The following MEOX2 variants were observed in gnomAD, a reference collection of about 807,000 sequenced individuals.
The protein encoded by MEOX2 is homeobox protein MOX-2.
A neutral mutation model predicts 27.0 loss-of-function variants in MEOX2; 11 were observed. That is an observed-to-expected ratio of 0.41 (90% confidence interval 0.26 to 0.68). MEOX2 has a LOEUF of 0.68. MEOX2 is among the 30% of genes least tolerant of loss of function. The pLI, the probability that MEOX2 is intolerant of heterozygous loss-of-function variation, is 0.33. For synonymous variants in MEOX2, 189 were observed against 155.4 expected (o/e 1.22, Z -1.61); for missense variants, 436 against 385.4 (o/e 1.13, Z -1.10).
Position 15,685,307 on chromosome 7 carries a change from C to T in MEOX2, c.517+579G>A, listed in dbSNP as rs140685934. On this transcript the variant is annotated intron_variant, in intron 1 of 2. Coordinates refer to ENST00000262041, the MANE Select transcript of MEOX2 (RefSeq NM_005924.5). ...CTTCCCCAATAAAGGGAAAATTTTA[C>T]CATTTGAAATAGGGTGCTATTTAAA... Among the ~76,000 whole-genome samples the T allele has an allele frequency of 1.6e-4, 24 of 151,982 alleles. 1 individual carries two copies. The highest frequency in any genetic ancestry group is 2.8e-4 in the Non-Finnish European group (19 of 67,972).
chr7:15,623,639 G>A (rs1439240155), intron 2 of MEOX2, among the ~76,000 whole-genome samples: 1 of 152,064 alleles, frequency 6.6e-6, no homozygotes, highest in Non-Finnish European at 1.5e-5. Context: ...CAAAGTGCTG[G>A]GACAAGTACA....
chr7:15,642,866 A>G (rs769242182), intron 1 of MEOX2, among the ~76,000 whole-genome samples: 8 of 152,162 alleles, frequency 5.3e-5, no homozygotes, highest in Middle Eastern at 6.8e-3. Flanking sequence ...CCAAGGCTCT[A>G]TATGATTTCC....
intron 1 of MEOX2, among the ~76,000 whole-genome samples, chr7:15,642,057 T>C (rs959917402): frequency 5.9e-5 from 9 of 152,216 alleles, no homozygotes; most frequent in African/African-American, 1.9e-4. Context: ...TCCTTCATGT[T>C]GACATTGGAT....
chr7:15,664,910 T>A (rs1266269941), intron 1 of MEOX2, among the ~76,000 whole-genome samples: 1 of 152,194 alleles, frequency 6.6e-6, no homozygotes, highest in Non-Finnish European at 1.5e-5. Context: ...ATACTTTATC[T>A]TGGAGGATGA....
intron 1 of MEOX2, among the ~76,000 whole-genome samples, chr7:15,628,882 A>G (rs1583749176): frequency 6.6e-6 from 1 of 152,108 alleles, no homozygotes; most frequent in Non-Finnish European, 1.5e-5. Context: ...ACTCAGTCAC[A>G]GTACAGAATA....
intron 1 of MEOX2, among the ~76,000 whole-genome samples, chr7:15,666,476 G>A (rs1042551669): frequency 4.6e-5 from 7 of 151,914 alleles, no homozygotes; most frequent in East Asian, 1.9e-4. Context: ...AAATGGGGCC[G>A]GCTGAGGTGG....
intron 2 of MEOX2, among the ~76,000 whole-genome samples, chr7:15,617,337 A>G (rs6960768): frequency 0.67 from 102,136 of 151,734 alleles, 34,606 homozygotes; most frequent in East Asian, 0.81. Context: ...AAACATGCAA[A>G]GGATAATTGT....
At position 15,612,650 on chromosome 7, in the gene MEOX2, A is replaced by G. The variant is rs1400173846; in HGVS notation, c.691-39T>C. 2.6e-6 allele frequency: 4 copies of G among 1,567,314 alleles called. No homozygotes were observed. In the African/African-American group the frequency reaches 4.1e-5, roughly 16 times the overall value. ...AGGGAACAAACAAACAGAAAAAAAG[A>G]GATAATTAAAGTGACATTTTTTTCT... is the stretch of plus-strand genomic sequence containing the variant. On this transcript the variant is annotated intron_variant, in intron 2 of 2. Coordinates refer to ENST00000262041, the MANE Select transcript of MEOX2 (RefSeq NM_005924.5).
intron 2 of MEOX2, among the ~76,000 whole-genome samples, chr7:15,621,802 G>A (rs1781226611): frequency 6.6e-6 from 1 of 152,094 alleles, no homozygotes; most frequent in Non-Finnish European, 1.5e-5. Context: ...TTTTCATTTA[G>A]GAGAAAATTA....
chr7:15,659,138 T>C (rs1781868756), intron 1 of MEOX2, among the ~76,000 whole-genome samples: 1 of 152,214 alleles, frequency 6.6e-6, no homozygotes. Flanking sequence ...TAGCTAGGAC[T>C]ACAGGCACAT....
chr7:15,651,439 TAAAAG>T (rs1359429938), intron 1 of MEOX2, among the ~76,000 whole-genome samples: 1 of 151,972 alleles, frequency 6.6e-6, no homozygotes, highest in Non-Finnish European at 1.5e-5. Context: ...TCACTCAAAA[TAAAAG>T]AAATTATTTT....
At chr7:15,625,951 G>A (rs1251284190) in intron 2 of MEOX2, among the ~76,000 whole-genome samples, 3 of 152,114 alleles carry the variant, frequency 2.0e-5, no homozygotes, top group Non-Finnish European at 4.4e-5. Flanking sequence ...GTGGGTAGCA[G>A]AATTTTGAAT....
intron 1 of MEOX2, among the ~76,000 whole-genome samples, chr7:15,678,340 G>A (rs1056544141): frequency 6.6e-6 from 1 of 152,078 alleles, no homozygotes; most frequent in African/African-American, 2.4e-5. Context: ...TTATTTATAT[G>A]GTTCTTTAAA....
intron 1 of MEOX2, among the ~76,000 whole-genome samples, chr7:15,663,633 C>T (rs992763537): frequency 6.6e-5 from 10 of 152,128 alleles, no homozygotes; most frequent in African/African-American, 2.4e-4. Flanking sequence ...GCCACCGCGC[C>T]CAGCCAATAA....
At chr7:15,660,882 G>A (rs983490055) in intron 1 of MEOX2, among the ~76,000 whole-genome samples, 7 of 151,848 alleles carry the variant, frequency 4.6e-5, no homozygotes, top group East Asian at 3.9e-4. Context: ...GCATGATGGC[G>A]GGTGTCTGTA....
chr7:15,657,991 A>G (rs1256503673), intron 1 of MEOX2, among the ~76,000 whole-genome samples: 2 of 152,232 alleles, frequency 1.3e-5, no homozygotes, highest in South Asian at 2.1e-4. Context: ...GATTACTGCC[A>G]GCTGGAGGTA....
intron 1 of MEOX2, chr7:15,680,230 AAAC>A (rs1344725142): frequency 6.6e-6 from 1 of 151,970 alleles, no homozygotes; most frequent in African/African-American, 2.4e-5. Context: ...TGAAACATAA[AAAC>A]AACATCTGAG....
intron 1 of MEOX2, chr7:15,681,855 A>G (rs1210939234): frequency 1.3e-5 from 2 of 151,770 alleles, no homozygotes; most frequent in East Asian, 1.9e-4. Context: ...TGCATTTATG[A>G]TTTTTCTTTT....
intron 1 of MEOX2, among the ~76,000 whole-genome samples, chr7:15,653,033 G>A (rs1426223682): frequency 1.3e-5 from 2 of 151,818 alleles, no homozygotes; most frequent in Non-Finnish European, 2.9e-5. Context: ...TGCATGTTTT[G>A]TTTTTTTAAG....
Sources: gnomAD v4.1 joint callset for allele counts (sites outside exome capture counted in the v4.1 genomes callset) on GRCh38, gnomAD v4.1.1 for gene constraint, MANE v1.5 for transcripts, NCBI Gene and HGNC (gene_info 2026-07-23, HGNC 2026-07-21) for gene names.